Variants in PDCD10 observed in about 807,000 individuals in gnomAD.
PDCD10 encodes the protein programmed cell death 10.
In PDCD10, 4 loss-of-function variants were observed where a neutral mutation model predicts 29.2. That is an observed-to-expected ratio of 0.14 (90% CI 0.07 to 0.31). The LOEUF (loss-of-function observed/expected upper bound fraction) is 0.31, where lower values mean the gene tolerates loss of function less well. Among genes scored for constraint, PDCD10 ranks in the 10% least tolerant of loss-of-function variants. The pLI is 1.00. For synonymous variants in PDCD10, 70 were observed against 82.2 expected, an observed-to-expected ratio of 0.85 and a Z score of 0.80; for missense variants, 183 against 257.9, an observed-to-expected ratio of 0.71 and a Z score of 1.99.
chr3:167,684,683 G>C (rs1468664383), intron 8 of PDCD10, among the ~76,000 whole-genome samples: 1 of 152,044 alleles, frequency 6.6e-6, no homozygotes, highest in Non-Finnish European at 1.5e-5. Flanking sequence ...TGGCCAAAAG[G>C]AGGATTCAGA....
At chr3:167,725,143 G>A (rs1408366493) in intron 2 of PDCD10, among the ~76,000 whole-genome samples, 6 of 151,890 alleles carry the variant, frequency 4.0e-5, no homozygotes, top group African/African-American at 1.2e-4. Context: ...TGTAGTCCCA[G>A]CTACTCAGGA....
intron 3 of PDCD10, among the ~76,000 whole-genome samples, chr3:167,708,142 AT>A (rs1348016166): frequency 6.6e-6 from 1 of 152,178 alleles, no homozygotes; most frequent in African/African-American, 2.4e-5. Flanking sequence ...TGGTCCACTT[AT>A]AAAAATATTT....
At chr3:167,705,396 T>G (rs1181489337) in intron 3 of PDCD10, among the ~76,000 whole-genome samples, 1 of 152,176 alleles carries the variant, frequency 6.6e-6, no homozygotes, top group Non-Finnish European at 1.5e-5. Flanking sequence ...AACAATGTAA[T>G]CTATATAGAT....
At chr3:167,706,194 C>A (rs775683329) in intron 3 of PDCD10, among the ~76,000 whole-genome samples, 2 of 152,196 alleles carry the variant, frequency 1.3e-5, no homozygotes, top group Non-Finnish European at 2.9e-5. Flanking sequence ...TTTCTAGACT[C>A]ATTTTAATTA....
At chr3:167,690,147 AAGG>A (rs759879875) in intron 6 of PDCD10, among the ~76,000 whole-genome samples, 6 of 152,218 alleles carry the variant, frequency 3.9e-5, no homozygotes, top group Non-Finnish European at 8.8e-5. Context: ...GTATGAGTAG[AAGG>A]AGAAGGAACT....
In PDCD10 at chr3:167,691,325, A is replaced by G. The variant is rs144224952; in HGVS notation, c.396-3632T>C. Among the ~76,000 whole-genome samples the G allele has an allele frequency of 7.1e-3, 1,088 of 152,258 alleles. 11 individuals carry two copies. Among genetic ancestry groups the G allele is most frequent in the African/African-American group, 0.025 (1,020 of 41,550 alleles). ...TGCCAGGGCAAATTATCCCTCCTCAAATGGTTAGGAAGTAAATTTTCATTG... is the reference window on the plus strand; with the variant it reads ...TGCCAGGGCAAATTATCCCTCCTCAGATGGTTAGGAAGTAAATTTTCATTG... On this transcript the variant is annotated intron_variant, in intron 6 of 8. Coordinates refer to ENST00000392750, the MANE Select transcript of PDCD10 (RefSeq NM_007217.4).
intron 6 of PDCD10, among the ~76,000 whole-genome samples, chr3:167,692,298 C>T (rs1266811462): frequency 6.6e-6 from 1 of 152,126 alleles, no homozygotes; most frequent in Non-Finnish European, 1.5e-5. Context: ...GGGGATGAGG[C>T]CCAAGTATAA....
At chr3:167,732,282 C>G (rs1724898412) in intron 2 of PDCD10, among the ~76,000 whole-genome samples, 1 of 152,156 alleles carries the variant, frequency 6.6e-6, no homozygotes, top group Admixed American at 6.5e-5. Context: ...ACTCAGACTA[C>G]AATAATAAAC....
rs1305799941 is a variant in PDCD10, at chr3:167,705,587, C to A, written c.97-692G>T. On this transcript the variant is annotated intron_variant, in intron 3 of 8. Coordinates refer to ENST00000392750, the MANE Select transcript of PDCD10 (RefSeq NM_007217.4). ...ACAGTTACAAATGCCAAGAACCTTG[C>A]AACTCCCTACAAATGACTAACTTTA... 2.0e-5 allele frequency among the ~76,000 whole-genome samples: 3 copies of A among 152,254 alleles called. No individual in the cohort carries two copies. In the East Asian group the frequency reaches 5.8e-4, roughly 29 times the overall value.
chr3:167,709,580 A>T (rs1722325420), intron 3 of PDCD10, among the ~76,000 whole-genome samples: 1 of 152,156 alleles, frequency 6.6e-6, no homozygotes, highest in Non-Finnish European at 1.5e-5. Flanking sequence ...CCGATCCAAG[A>T]GGTTGGAAAT....
chr3:167,703,168 T>C (rs956144398), intron 4 of PDCD10, among the ~76,000 whole-genome samples: 15 of 152,132 alleles, frequency 9.9e-5, no homozygotes, highest in African/African-American at 3.6e-4. Context: ...TACAGATTAC[T>C]TTTCCTTCTT....
intron 2 of PDCD10, among the ~76,000 whole-genome samples, chr3:167,724,442 A>G (rs189250987): frequency 8.0e-4 from 122 of 152,360 alleles, no homozygotes; most frequent in Middle Eastern, 3.4e-3. Flanking sequence ...ACAAATGTGC[A>G]TGAACATTCA....
At chr3:167,710,111 T>A (rs946233143) in intron 3 of PDCD10, among the ~76,000 whole-genome samples, 2 of 152,130 alleles carry the variant, frequency 1.3e-5, no homozygotes, top group African/African-American at 2.4e-5. Context: ...TAGGCCTTGG[T>A]TGAGATTCAG....
chr3:167,701,165 T>C (rs983787111), intron 4 of PDCD10, among the ~76,000 whole-genome samples: 30 of 152,160 alleles, frequency 2.0e-4, no homozygotes, highest in African/African-American at 7.2e-4. Flanking sequence ...GTACCATCAA[T>C]GCGTTGTTTC....
chr3:167,688,576 T>A (rs1719894594), intron 6 of PDCD10, among the ~76,000 whole-genome samples: 1 of 152,196 alleles, frequency 6.6e-6, no homozygotes. Flanking sequence ...TTTCCACATT[T>A]TAACCTCATA....
chr3:167,710,835 G>A (rs1023382052), intron 3 of PDCD10, among the ~76,000 whole-genome samples: 13 of 152,200 alleles, frequency 8.5e-5, no homozygotes, highest in African/African-American at 3.1e-4. Flanking sequence ...CCAGCTTCAG[G>A]AAGTTCAGCA....
At chr3:167,730,604 T>G (rs1724708402) in intron 2 of PDCD10, 1 of 152,106 alleles carries the variant, frequency 6.6e-6, no homozygotes, top group Non-Finnish European at 1.5e-5. Flanking sequence ...ATCAGCAATC[T>G]CTTTTTGACA....
intron 2 of PDCD10, among the ~76,000 whole-genome samples, chr3:167,733,962 C>G (rs1430462713): frequency 6.6e-6 from 1 of 152,098 alleles, no homozygotes; most frequent in African/African-American, 2.4e-5. Flanking sequence ...CACTCCGGTT[C>G]AAGAAACAAC....
intron 2 of PDCD10, among the ~76,000 whole-genome samples, chr3:167,731,921 C>G (rs1316648412): frequency 6.6e-6 from 1 of 152,010 alleles, no homozygotes; most frequent in African/African-American, 2.4e-5. Flanking sequence ...GTGAGGGGAA[C>G]AGTCCAAGGA....
Sources: allele counts gnomAD v4.1 joint callset (sites outside exome capture counted in the v4.1 genomes callset), GRCh38; gene constraint gnomAD v4.1.1; transcripts MANE v1.5; gene names NCBI Gene and HGNC (gene_info 2026-07-23, HGNC 2026-07-21).